Variants in XRN1 observed in about 807,000 individuals in gnomAD.
XRN1 encodes the protein strand-exchange protein 1 homolog.
In XRN1, 67 loss-of-function variants were observed where a neutral mutation model predicts 222.3. The ratio of observed to expected loss-of-function variants is 0.30; its 90% CI spans 0.25 to 0.37. XRN1 has a LOEUF of 0.37. XRN1 is among the 10% of genes least tolerant of loss of function. The pLI is 1.00. For missense variants in XRN1, 1,707 were observed against 2,000.2 expected, an observed-to-expected ratio of 0.85 and a Z score of 2.80; for synonymous variants, 643 against 652.4, an observed-to-expected ratio of 0.99 and a Z score of 0.22.
In XRN1 at chr3:142,447,010, T is replaced by TAAAAA. The variant is rs10680676; in HGVS notation, c.75+859_75+860insTTTTT. Among the ~76,000 whole-genome samples the TAAAAA allele has an allele frequency of 1.3e-5, 2 of 151,936 alleles. No individual in the cohort carries two copies. Among genetic ancestry groups the TAAAAA allele is most frequent in the African/African-American group, 4.8e-5 (2 of 41,266 alleles). The stretch of plus-strand genomic sequence containing the variant: ...TTTCTGTAAAGCATCAGAAAAGAGA[T>TAAAAA]CAAATTCATTAAATGTGACAAACAC... On this transcript the variant is annotated intron_variant, in intron 1 of 40. Transcript: ENST00000392981. This position sits in a 1 kb window ranked among gnomAD's most constrained non-coding sequence, Gnocchi z 4.2.
chr3:142,343,422 C>T (rs1452379039), intron 33 of XRN1, among the ~76,000 whole-genome samples: 3 of 151,496 alleles, frequency 2.0e-5, no homozygotes, highest in Non-Finnish European at 4.4e-5. Flanking sequence ...CCATTGCACT[C>T]CAGCCTGGGC....
At chr3:142,369,604 T>C (rs1023081275) in intron 27 of XRN1, among the ~76,000 whole-genome samples, 3 of 148,268 alleles carry the variant, frequency 2.0e-5, no homozygotes, top group Admixed American at 6.8e-5. Context: ...GCCGAGATCA[T>C]GCCACTTCAC....
At chr3:142,414,091 T>C in intron 14 of XRN1, 44 bp downstream of exon 14, 1 of 1,489,592 alleles carries the variant, frequency 6.7e-7, no homozygotes, top group South Asian at 1.4e-5. Flanking sequence ...GAAGAGCTTC[T>C]AAATATCAAA....
intron 20 of XRN1, 132 bp from the exon 21 acceptor site, chr3:142,384,817 C>A: frequency 1.5e-6 from 1 of 652,464 alleles, no homozygotes; most frequent in East Asian, 3.0e-5. Flanking sequence ...AATACGCTAG[C>A]AGTTCCAGGT....
At chr3:142,371,350 T>C (rs750646307) in intron 25 of XRN1, 22 bp from the exon 26 acceptor site, 26 of 1,560,066 alleles carry the variant, frequency 1.7e-5, no homozygotes, top group African/African-American at 1.4e-5. Context: ...AACAAAAATA[T>C]TGTCTTAAAA....
At position 142,431,898 on chromosome 3, in the gene XRN1, T is replaced by TTGTATA. The variant is rs1559879650; in HGVS notation, c.308+762_308+763insTATACA. Among the ~76,000 whole-genome samples the TTGTATA allele has an allele frequency of 3.8e-4, 12 of 31,628 alleles. 1 individual carries two copies. The highest frequency in any genetic ancestry group is 1.9e-3 in the African/African-American group (12 of 6,202). The allele number at this position is 31,628 out of a possible 152,430, so 20.7% of individuals were successfully genotyped here. ...TATTATATATATTATATATAATATA[T>TTGTATA]ATATTATATATATAAATATATATAA... On this transcript the variant is annotated intron_variant, in intron 2 of 40. Coordinates refer to ENST00000392981, the MANE Select transcript of XRN1 (RefSeq NM_001282857.2).
chr3:142,396,878 A>T (rs1295573385), intron 20 of XRN1, among the ~76,000 whole-genome samples: 1 of 152,128 alleles, frequency 6.6e-6, no homozygotes, highest in African/African-American at 2.4e-5. Context: ...GTGGGTTAGC[A>T]TTTCAGTTTG....
At chr3:142,360,888 A>AG (rs1402124767) in intron 29 of XRN1, among the ~76,000 whole-genome samples, 1 of 151,346 alleles carries the variant, frequency 6.6e-6, no homozygotes, top group African/African-American at 2.4e-5. Flanking sequence ...AAAAAAAAAA[A>AG]AACCAAACAA....
intron 2 of XRN1, among the ~76,000 whole-genome samples, chr3:142,431,914 A>ATAATATATTGTATATATTATATAATATAT (rs2069591381): frequency 5.3e-4 from 17 of 32,124 alleles, no homozygotes; most frequent in Non-Finnish European, 8.1e-4. Flanking sequence ...ATATATATAA[A>ATAATATATTGTATATATTATATAATATAT]TATATATAAT....
intron 23 of XRN1, among the ~76,000 whole-genome samples, chr3:142,378,145 A>G (rs2067196718): frequency 6.6e-6 from 1 of 152,268 alleles, no homozygotes; most frequent in Non-Finnish European, 1.5e-5. Context: ...CAACCAATCA[A>G]TAAGAACAAA....
At chr3:142,418,927 A>C (rs2068897337) in intron 10 of XRN1, 46 bp from the exon 11 acceptor site, 2 of 1,556,672 alleles carry the variant, frequency 1.3e-6, no homozygotes, top group African/African-American at 2.7e-5. Context: ...GATACATTTC[A>C]AAATGAGATG....
At chr3:142,404,522 G>A (rs1249404082) in intron 16 of XRN1, among the ~76,000 whole-genome samples, 1 of 152,148 alleles carries the variant, frequency 6.6e-6, no homozygotes, top group Non-Finnish European at 1.5e-5. Flanking sequence ...CTAGTTGGGT[G>A]GCTGGGGGGT....
chr3:142,429,019 G>GAGA (rs1173921861), intron 2 of XRN1, among the ~76,000 whole-genome samples: 1 of 152,016 alleles, frequency 6.6e-6, no homozygotes, highest in African/African-American at 2.4e-5. Context: ...AGTACAAAGA[G>GAGA]AGAATGTGGT....
At chr3:142,326,496 T>C (rs1057360752) in intron 37 of XRN1, among the ~76,000 whole-genome samples, 4 of 152,166 alleles carry the variant, frequency 2.6e-5, no homozygotes, top group African/African-American at 9.6e-5. Flanking sequence ...TGATTGTATG[T>C]TGATTTTGTA....
Position 142,370,465 on chromosome 3 carries a change from TG to T in XRN1, c.3204+19del. The stretch of plus-strand genomic sequence containing the variant: ...TAATTCCAAATCTCATCAATAATCT[TG>T]GTTACTGAAAGTTAGTACCTTGCAC... On this transcript the variant is annotated intron_variant, in intron 27 of 40. Transcript: ENST00000392981. The T allele has an allele frequency of 1.3e-6, 2 of 1,586,442 alleles. No homozygotes were observed. Among genetic ancestry groups the T allele is most frequent in the South Asian group, 2.4e-5 (2 of 84,312 alleles).
intron 34 of XRN1, among the ~76,000 whole-genome samples, chr3:142,334,503 T>G (rs2065792547): frequency 6.6e-6 from 1 of 151,966 alleles, no homozygotes. Flanking sequence ...CCATAATCCT[T>G]GTAAACAGCA....
chr3:142,349,666 G>A (rs1041084598), intron 32 of XRN1, among the ~76,000 whole-genome samples: 2 of 152,044 alleles, frequency 1.3e-5, no homozygotes, highest in African/African-American at 4.8e-5. Context: ...AAAGGTATTT[G>A]TACACATTGC....
rs117294214 is a variant in XRN1 at position 142,355,385 on chromosome 3, A to C, written c.3768+16T>G. The C allele has an allele frequency of 7.0e-4, 965 of 1,381,910 alleles. 7 individuals are homozygous for C. In the East Asian group the frequency reaches 0.019, roughly 28 times the overall value. 85.6% of individuals were successfully genotyped at this position (1,381,910 alleles called of 1,614,324 possible). On this transcript the variant is annotated intron_variant, in intron 32 of 40. Coordinates refer to ENST00000392981, the MANE Select transcript of XRN1 (RefSeq NM_001282857.2). ...TTTCTTTAAATTAATTGTCCATCAAAACAAGGAATACTAACCTTCTCTTGT... is the reference window on the plus strand; with the variant it reads ...TTTCTTTAAATTAATTGTCCATCAACACAAGGAATACTAACCTTCTCTTGT...
At position 142,383,470 on chromosome 3, in the gene XRN1, GT is replaced by G. The variant is rs1325476388; in HGVS notation, c.2503-58del. 1.3e-5 allele frequency: 18 copies of G among 1,429,852 alleles called. No homozygotes were observed. The East Asian group carries it at 1.7e-4, about 13-fold the overall frequency. 88.6% of individuals were successfully genotyped at this position (1,429,852 alleles called of 1,614,324 possible). A position where few individuals can be genotyped will look rare whatever the true frequency, so the allele number is the denominator to read the frequency against. On this transcript the variant is annotated intron_variant, in intron 21 of 40. Coordinates refer to ENST00000392981, the MANE Select transcript of XRN1 (RefSeq NM_001282857.2). ...ATAATTTCTATAGATTGCGTATCAA[GT>G]TTTTTTCCTATGGGATTATGACTAT...
Sources: allele counts gnomAD v4.1 joint callset (sites outside exome capture counted in the v4.1 genomes callset), GRCh38; gene constraint gnomAD v4.1.1; non-coding constraint Gnocchi (gnomAD v3.1); transcripts MANE v1.5; gene names NCBI Gene and HGNC (gene_info 2026-07-23, HGNC 2026-07-21).